PHACTR1: variants seen among roughly 807,000 people sequenced by gnomAD.
The protein encoded by PHACTR1 is phosphatase and actin regulator 1.
In PHACTR1, 16 loss-of-function variants were observed where a neutral mutation model predicts 69.2. That is an observed-to-expected ratio of 0.23 (90% CI 0.16 to 0.35). The LOEUF (loss-of-function observed/expected upper bound fraction) is 0.35. PHACTR1 is among the 10% of genes least tolerant of loss of function. The pLI is 1.00. For synonymous variants in PHACTR1, 312 were observed against 284.5 expected (o/e 1.10, Z -0.97); for missense variants, 510 against 734.7 (o/e 0.69, Z 3.54).
chr6:12,928,724 C>T (rs1410966998), intron 4 of PHACTR1, among the ~76,000 whole-genome samples: 1 of 151,042 alleles, frequency 6.6e-6, no homozygotes, highest in Non-Finnish European at 1.5e-5. Flanking sequence ...AAGCTCTACT[C>T]ATATTCTCAA....
intron 7 of PHACTR1, among the ~76,000 whole-genome samples, chr6:13,198,028 C>T (rs1764676366): frequency 6.6e-6 from 1 of 152,232 alleles, no homozygotes; most frequent in Non-Finnish European, 1.5e-5. Context: ...ATTGGCCACA[C>T]TTTGACTCGC....
intron 4 of PHACTR1, among the ~76,000 whole-genome samples, chr6:12,951,345 C>T (rs541437885): frequency 2.0e-5 from 3 of 152,302 alleles, no homozygotes; most frequent in East Asian, 1.9e-4. Context: ...AGTTTAGCAA[C>T]GTGGTGAGCT....
At chr6:13,170,708 C>T (rs1040736468) in intron 6 of PHACTR1, among the ~76,000 whole-genome samples, 2 of 152,196 alleles carry the variant, frequency 1.3e-5, no homozygotes, top group African/African-American at 4.8e-5. Flanking sequence ...CCAGGGTTTC[C>T]AGTTCTGGCT....
chr6:13,247,326 C>CATGT (rs71552738), intron 10 of PHACTR1, among the ~76,000 whole-genome samples: 1 of 138,998 alleles, frequency 7.2e-6, no homozygotes, highest in African/African-American at 2.8e-5. Context: ...CAAGTTCCCT[C>CATGT]GTGTGTGTGT....
At chr6:12,738,783 T>C (rs911851991) in intron 3 of PHACTR1, among the ~76,000 whole-genome samples, 1 of 152,126 alleles carries the variant, frequency 6.6e-6, no homozygotes, top group Non-Finnish European at 1.5e-5. Context: ...AGAATCCCCT[T>C]GAACCTGGGA....
At chr6:13,154,225 T>C (rs2113479134) in intron 5 of PHACTR1, among the ~76,000 whole-genome samples, 1 of 152,188 alleles carries the variant, frequency 6.6e-6, no homozygotes, top group African/African-American at 2.4e-5. Context: ...AGTGTAGTGG[T>C]GCAATCTCAG....
chr6:13,229,424 C>G (rs1244426010), intron 9 of PHACTR1, among the ~76,000 whole-genome samples: 1 of 152,162 alleles, frequency 6.6e-6, no homozygotes. Flanking sequence ...CTCAGAAATG[C>G]TGGGGTTGAA....
In PHACTR1 at chr6:13,068,790, C is replaced by T. The variant is rs189019471; in HGVS notation, c.415+15261C>T. 8.5e-5 allele frequency among the ~76,000 whole-genome samples: 13 copies of T among 152,200 alleles called. No homozygotes were observed. In the East Asian group the frequency reaches 1.4e-3, roughly 16 times the overall value. ...GCTATGTCACGGGCAGAAATATGCACGATAGAGGAAGAGATGTTCTTGGGA... is the reference window on the plus strand; with the variant it reads ...GCTATGTCACGGGCAGAAATATGCATGATAGAGGAAGAGATGTTCTTGGGA... On this transcript the variant is annotated intron_variant, in intron 5 of 14. Coordinates refer to ENST00000332995, the MANE Select transcript of PHACTR1 (RefSeq NM_030948.6).
At chr6:13,125,655 A>G (rs1819417022) in intron 5 of PHACTR1, among the ~76,000 whole-genome samples, 2 of 152,314 alleles carry the variant, frequency 1.3e-5, no homozygotes, top group South Asian at 4.1e-4. Flanking sequence ...GTTTCTGGGC[A>G]TGGCAGCTCA....
intron 4 of PHACTR1, among the ~76,000 whole-genome samples, chr6:12,758,920 C>T (rs749366652): frequency 4.0e-5 from 6 of 151,654 alleles, no homozygotes; most frequent in African/African-American, 1.2e-4. Context: ...GTCAGGAGTT[C>T]GAGACCAGCC....
intron 10 of PHACTR1, among the ~76,000 whole-genome samples, chr6:13,255,180 G>A (rs1475931753): frequency 6.6e-6 from 1 of 152,226 alleles, no homozygotes; most frequent in African/African-American, 2.4e-5. Context: ...ACAGGAGCAA[G>A]AGGCAGTGAG....
At chr6:12,882,154 C>T (rs1301588467) in intron 4 of PHACTR1, among the ~76,000 whole-genome samples, 1 of 152,062 alleles carries the variant, frequency 6.6e-6, no homozygotes, top group Non-Finnish European at 1.5e-5. Context: ...TGCTACTACC[C>T]ACCTATTGCC....
At chr6:12,789,744 C>CT (rs755970925) in intron 4 of PHACTR1, among the ~76,000 whole-genome samples, 1 of 151,652 alleles carries the variant, frequency 6.6e-6, no homozygotes, top group African/African-American at 2.4e-5. Flanking sequence ...CTTTTTCTTT[C>CT]TTTTTTTATT....
intron 7 of PHACTR1, among the ~76,000 whole-genome samples, chr6:13,198,467 G>A (rs760480587): frequency 5.3e-5 from 8 of 152,114 alleles, no homozygotes; most frequent in Non-Finnish European, 1.0e-4. Flanking sequence ...AGTGTCAGAC[G>A]CTATGCCACA....
intron 10 of PHACTR1, among the ~76,000 whole-genome samples, chr6:13,247,972 G>C (rs1415608397): frequency 6.6e-6 from 1 of 152,208 alleles, no homozygotes; most frequent in East Asian, 1.9e-4. Flanking sequence ...AAGAAGCCTG[G>C]TTAATGTGGC....
At chr6:13,231,084 G>A (rs1466081099) in intron 10 of PHACTR1, among the ~76,000 whole-genome samples, 671 of 18,912 alleles carry the variant, frequency 0.035, 79 homozygotes, top group Middle Eastern at 0.33. Flanking sequence ...AGGAAGGAAG[G>A]AAGAAGGAAG....
rs1781192944 is a variant in PHACTR1 at position 13,284,569 on chromosome 6, TAG to T, written c.1650+1009_1650+1010del. ...ATATATATATATATATATATATATA[TAG>T]ATACACGTATATATATATATATATA... On this transcript the variant is annotated intron_variant, in intron 13 of 14. Transcript: ENST00000332995. Among the ~76,000 whole-genome samples the T allele has an allele frequency of 5.9e-5, 6 of 101,992 alleles. No homozygotes were observed. In the South Asian group the frequency reaches 1.3e-3, roughly 22 times the overall value. The allele number at this position is 101,992 out of a possible 152,430, so 66.9% of individuals were successfully genotyped here. A position where few individuals can be genotyped will look rare whatever the true frequency, so the allele number is the denominator to read the frequency against.
At chr6:13,229,882 A>G (rs748902616) in intron 9 of PHACTR1, among the ~76,000 whole-genome samples, 155 bp from the exon 10 acceptor site, 2 of 152,192 alleles carry the variant, frequency 1.3e-5, no homozygotes, top group Admixed American at 6.5e-5. Flanking sequence ...GTGTGTGGCA[A>G]TGGCAGGAAC....
chr6:13,270,428 TCTAA>T (rs1305290709), intron 10 of PHACTR1, among the ~76,000 whole-genome samples: 20 of 152,240 alleles, frequency 1.3e-4, no homozygotes, highest in Middle Eastern at 3.4e-3. Context: ...GCTCCAGGCC[TCTAA>T]CTATGTGTTC....
Sources: gnomAD v4.1 joint callset for allele counts (sites outside exome capture counted in the v4.1 genomes callset) on GRCh38, gnomAD v4.1.1 for gene constraint, MANE v1.5 for transcripts, NCBI Gene and HGNC (gene_info 2026-07-23, HGNC 2026-07-21) for gene names.